C8orf34: variants seen among roughly 807,000 people sequenced by gnomAD.
C8orf34 encodes the protein uncharacterized protein C8orf34.
Under a neutral mutation model 68.3 loss-of-function variants are expected in C8orf34, and 65 were observed. The ratio of observed to expected loss-of-function variants is 0.95; its 90% CI spans 0.78 to 1.17. The LOEUF is 1.17. C8orf34 is among the 50% of genes most tolerant of loss of function. The pLI, the probability that C8orf34 is intolerant of heterozygous loss-of-function variation, is 0.00. For missense variants in C8orf34, 664 were observed against 655.4 expected, an observed-to-expected ratio of 1.01 and a Z score of -0.14; for synonymous variants, 244 against 241.2, an observed-to-expected ratio of 1.01 and a Z score of -0.11.
chr8:68,776,833 A>G (rs961404252), intron 11 of C8orf34, among the ~76,000 whole-genome samples: 7 of 152,352 alleles, frequency 4.6e-5, no homozygotes, highest in African/African-American at 1.7e-4. Flanking sequence ...GTCTGGATTC[A>G]TTCATGGGAC....
intron 6 of C8orf34, among the ~76,000 whole-genome samples, chr8:68,528,451 A>G (rs1466874757): frequency 2.6e-5 from 4 of 152,152 alleles, no homozygotes. Flanking sequence ...TTTTCTCCTT[A>G]GTCAGGTTTA....
chr8:68,711,503 C>T (rs1821328365), intron 9 of C8orf34, among the ~76,000 whole-genome samples: 1 of 151,966 alleles, frequency 6.6e-6, no homozygotes, highest in Non-Finnish European at 1.5e-5. Context: ...CTAGGACACA[C>T]TTAGAGAAAT....
At chr8:68,493,604 A>T (rs770829072) in intron 5 of C8orf34, among the ~76,000 whole-genome samples, 1 of 152,186 alleles carries the variant, frequency 6.6e-6, no homozygotes, top group Non-Finnish European at 1.5e-5. Context: ...ATAAAATACC[A>T]TCTGTTATGG....
intron 12 of C8orf34, among the ~76,000 whole-genome samples, chr8:68,801,280 A>G (rs1824318754): frequency 6.6e-6 from 1 of 152,216 alleles, no homozygotes; most frequent in South Asian, 2.1e-4. Context: ...AACATTTAAA[A>G]ATTAGGAGAT....
chr8:68,459,223 CA>C (rs1319446884), intron 3 of C8orf34, among the ~76,000 whole-genome samples: 1 of 151,914 alleles, frequency 6.6e-6, no homozygotes, highest in Non-Finnish European at 1.5e-5. Flanking sequence ...GGAACTCTTT[CA>C]TTTTCTTTTT....
At chr8:68,395,079 C>T (rs1045052843) in intron 1 of C8orf34, among the ~76,000 whole-genome samples, 1 of 151,886 alleles carries the variant, frequency 6.6e-6, no homozygotes, top group African/African-American at 2.4e-5. Context: ...CATACCAAGT[C>T]AAGTAACAGA....
At chr8:68,660,795 C>T (rs1819649246) in intron 8 of C8orf34, among the ~76,000 whole-genome samples, 1 of 152,052 alleles carries the variant, frequency 6.6e-6, no homozygotes, top group African/African-American at 2.4e-5. Flanking sequence ...GAATCGGGGT[C>T]CTGGCCTTGC....
intron 8 of C8orf34, among the ~76,000 whole-genome samples, chr8:68,698,603 A>G (rs1820902415): frequency 6.6e-6 from 1 of 152,106 alleles, no homozygotes; most frequent in South Asian, 2.1e-4. Context: ...ATCTATGATT[A>G]AAAGAAGAAA....
At chr8:68,449,232 A>G (rs1033841620) in intron 3 of C8orf34, among the ~76,000 whole-genome samples, 3 of 152,172 alleles carry the variant, frequency 2.0e-5, no homozygotes, top group African/African-American at 7.2e-5. Flanking sequence ...AACTTTTTAG[A>G]GATGTTCCAG....
At chr8:68,361,353 C>T (rs1022099086) in intron 1 of C8orf34, among the ~76,000 whole-genome samples, 7 of 152,142 alleles carry the variant, frequency 4.6e-5, no homozygotes, top group Non-Finnish European at 1.0e-4. Flanking sequence ...TAGAGGCAGG[C>T]TTCCTCCAGA....
intron 12 of C8orf34, among the ~76,000 whole-genome samples, chr8:68,797,768 G>C (rs146699529): frequency 1.3e-5 from 2 of 152,190 alleles, no homozygotes; most frequent in African/African-American, 4.8e-5. Flanking sequence ...AGGCTAAAAT[G>C]AGTTAATAGT....
intron 10 of C8orf34, among the ~76,000 whole-genome samples, chr8:68,755,279 T>A (rs1822822476): frequency 6.6e-6 from 1 of 152,206 alleles, no homozygotes; most frequent in African/African-American, 2.4e-5. Context: ...TATGTGAGTG[T>A]CTTCCTGACA....
At chr8:68,639,795 C>A (rs900204955) in intron 7 of C8orf34, among the ~76,000 whole-genome samples, 22 of 152,090 alleles carry the variant, frequency 1.4e-4, no homozygotes, top group African/African-American at 5.1e-4. Flanking sequence ...TGGAGCATGA[C>A]TATTCAGGTT....
chr8:68,574,256 A>G (rs556064992), intron 7 of C8orf34, among the ~76,000 whole-genome samples: 1 of 152,192 alleles, frequency 6.6e-6, no homozygotes, highest in East Asian at 1.9e-4. Flanking sequence ...CTGAGAAAAA[A>G]TGACAAAAAT....
intron 1 of C8orf34, among the ~76,000 whole-genome samples, chr8:68,359,313 C>G (rs1018530853): frequency 1.3e-5 from 2 of 152,140 alleles, no homozygotes; most frequent in Non-Finnish European, 2.9e-5. Flanking sequence ...ATTTTCCAAG[C>G]TGCCTGTATT....
intron 1 of C8orf34, among the ~76,000 whole-genome samples, chr8:68,428,316 A>C (rs957321510): frequency 6.6e-6 from 1 of 152,078 alleles, no homozygotes; most frequent in African/African-American, 2.4e-5. Flanking sequence ...GGGTACATCT[A>C]AATGCATGCT....
At chr8:68,776,703 A>G (rs1823529581) in intron 11 of C8orf34, among the ~76,000 whole-genome samples, 1 of 152,214 alleles carries the variant, frequency 6.6e-6, no homozygotes, top group Non-Finnish European at 1.5e-5. Flanking sequence ...GTACTAATAT[A>G]TATTTTTATA....
At chr8:68,445,981 C>T (rs1409789727) in intron 2 of C8orf34, among the ~76,000 whole-genome samples, 2 of 151,992 alleles carry the variant, frequency 1.3e-5, no homozygotes, top group African/African-American at 2.4e-5. Flanking sequence ...GTGGAGACGA[C>T]GGGTTTCACC....
chr8:68,656,317 A>C (rs781654858), intron 8 of C8orf34, among the ~76,000 whole-genome samples: 12 of 152,244 alleles, frequency 7.9e-5, no homozygotes, highest in Non-Finnish European at 1.3e-4. Context: ...TATTTATAGA[A>C]TAAATTAGAC....
Sources: gnomAD v4.1 joint callset for allele counts (sites outside exome capture counted in the v4.1 genomes callset) on GRCh38, gnomAD v4.1.1 for gene constraint, MANE v1.5 for transcripts, NCBI Gene and HGNC (gene_info 2026-07-23, HGNC 2026-07-21) for gene names.